FXYD6: variants seen among roughly 807,000 people sequenced by gnomAD.
FXYD6 encodes the protein FXYD domain containing ion transport regulator 6.
Under a neutral mutation model 16.7 loss-of-function variants are expected in FXYD6, and 7 were observed. The ratio of observed to expected loss-of-function variants is 0.42; its 90% confidence interval spans 0.24 to 0.79. The LOEUF is 0.79. FXYD6 is among the 30% of genes least tolerant of loss of function. The pLI, the probability that FXYD6 is intolerant of heterozygous loss-of-function variation, is 0.28. For missense variants in FXYD6, 111 were observed against 116.2 expected, an observed-to-expected ratio of 0.95 and a Z score of 0.21; for synonymous variants, 49 against 43.0, an observed-to-expected ratio of 1.14 and a Z score of -0.54.
chr11:117,851,424 A>G (rs2056608721), intron 1 of FXYD6, among the ~76,000 whole-genome samples: 1 of 152,238 alleles, frequency 6.6e-6, no homozygotes, highest in Admixed American at 6.5e-5. Context: ...ACAGCCTGCC[A>G]TGAACCACAT....
chr11:117,838,748 T>C (rs2056259839), intron 7 of FXYD6: 1 of 183,170 alleles, frequency 5.5e-6, no homozygotes, highest in Admixed American at 5.4e-5. Context: ...GAGAGCCCCA[T>C]CCAGAAGACG....
chr11:117,838,268 G>C lies in FXYD6; in HGVS notation c.*31C>G, dbSNP rs1364050609. 1 of 702,474 alleles carries C rather than the reference G, an allele frequency of 1.4e-6. No homozygotes were observed. The highest frequency in any genetic ancestry group is 2.0e-5 in the Admixed American group (1 of 49,996). 43.5% of individuals were successfully genotyped at this position (702,474 alleles called of 1,614,324 possible). A position where few individuals can be genotyped will look rare whatever the true frequency, so the allele number is the denominator to read the frequency against. On this transcript the variant is annotated 3_prime_UTR_variant, in exon 8 of 8. Transcript: ENST00000526014. ...CCAAAGGTTCAAGCAGCCGCCTCAG[G>C]TTCCAGAGGCTGAGGAGGAGGATAA...
intron 1 of FXYD6, among the ~76,000 whole-genome samples, chr11:117,863,177 G>T (rs1253241112): frequency 1.3e-5 from 2 of 152,160 alleles, no homozygotes; most frequent in African/African-American, 4.8e-5. Context: ...CACTAATTCT[G>T]CTGGTGCCAT....
chr11:117,873,276 C>T (rs995838649), intron 1 of FXYD6, among the ~76,000 whole-genome samples: 6 of 152,150 alleles, frequency 3.9e-5, no homozygotes, highest in African/African-American at 1.2e-4. Context: ...CTATTTGGTA[C>T]CTGGAGAGAA....
chr11:117,857,643 G>A (rs563635613), intron 1 of FXYD6, among the ~76,000 whole-genome samples: 8 of 152,156 alleles, frequency 5.3e-5, no homozygotes, highest in East Asian at 3.9e-4. Flanking sequence ...TCTTGACCTC[G>A]TGAGCCGCCC....
In FXYD6 at chr11:117,872,676, G is replaced by C. The variant is rs946063309; in HGVS notation, c.-6+3916C>G. On this transcript the variant is annotated intron_variant, in intron 1 of 7. Coordinates refer to ENST00000526014, the MANE Select transcript of FXYD6 (RefSeq NM_022003.4). This position sits in a 1 kb window ranked among gnomAD's most constrained non-coding sequence, Gnocchi z 4.9. ...GCCCCATTCCCATGGCCCCAGCCTG[G>C]TCCGTGGGGGCCCAGCCCCTTTCCC... Among the ~76,000 whole-genome samples the C allele has an allele frequency of 6.6e-6, 1 of 152,160 alleles. No homozygotes were observed. The highest frequency in any genetic ancestry group is 1.5e-5 in the Non-Finnish European group (1 of 68,020).
In FXYD6 at chr11:117,873,851, A is replaced by G. The variant is rs80228157; in HGVS notation, c.-6+2741T>C. ...CCACAGCTTCCAGCCTCGCCTTCCA[A>G]GAAAACATAGTGAAGCAGGCTCCTC... On this transcript the variant is annotated intron_variant, in intron 1 of 7. Transcript: ENST00000526014. 0.015 allele frequency among the ~76,000 whole-genome samples: 2,218 copies of G among 152,210 alleles called. 221 individuals are homozygous for G. The East Asian group carries it at 0.21, about 14-fold the overall frequency.
rs112511584 is a variant in FXYD6 at position 117,860,181 on chromosome 11, C to T, written c.-6+16411G>A. Reference sequence around the variant, plus strand: ...CTTCCTGCTATGAGTAGGTTTCCTTCGATCCCAGAGCCAGCCCCAAACTCC... The same window carrying T: ...CTTCCTGCTATGAGTAGGTTTCCTTTGATCCCAGAGCCAGCCCCAAACTCC... On this transcript the variant is annotated intron_variant, in intron 1 of 7. Coordinates refer to ENST00000526014, the MANE Select transcript of FXYD6 (RefSeq NM_022003.4). 1.9e-3 allele frequency among the ~76,000 whole-genome samples: 285 copies of T among 152,206 alleles called. 2 individuals carry two copies. The highest frequency in any genetic ancestry group is 6.5e-3 in the African/African-American group (271 of 41,514).
At position 117,838,024 on chromosome 11, in the gene FXYD6, T is replaced by A. The variant is rs1028375559; in HGVS notation, c.*275A>T. On this transcript the variant is annotated 3_prime_UTR_variant, in exon 8 of 8. Transcript: ENST00000526014. Reference sequence around the variant, plus strand: ...AAACAAGTAGCCACAAAGACCACAGTTAGCAAACACACACAGTCACACACA... The same window carrying A: ...AAACAAGTAGCCACAAAGACCACAGATAGCAAACACACACAGTCACACACA... 64 of 606,968 alleles carry A rather than the reference T, an allele frequency of 1.1e-4. No individual in the cohort carries two copies. The highest frequency in any genetic ancestry group is 1.8e-4 in the Non-Finnish European group (60 of 338,992). 37.6% of individuals were successfully genotyped at this position (606,968 alleles called of 1,614,324 possible).
At position 117,872,165 on chromosome 11, in the gene FXYD6, A is replaced by G. The variant is rs1262302536; in HGVS notation, c.-6+4427T>C. 6.6e-6 allele frequency among the ~76,000 whole-genome samples: 1 copy of G among 152,190 alleles called. No homozygotes were observed. The highest frequency in any genetic ancestry group is 1.5e-5 in the Non-Finnish European group (1 of 68,038). On this transcript the variant is annotated intron_variant, in intron 1 of 7. Transcript: ENST00000526014. This position sits in a 1 kb window ranked among gnomAD's most constrained non-coding sequence, Gnocchi z 4.9. The stretch of plus-strand genomic sequence containing the variant: ...GGGTGGACGTTCACAGGCCATCACC[A>G]TGGTCTGAGAGACTGCAGCTCTTCG...
In FXYD6 at chr11:117,841,812, C is replaced by A. The variant is rs777049693; in HGVS notation, c.151G>T (p.Val51Phe). 3 of 1,613,936 alleles carry A rather than the reference C, an allele frequency of 1.9e-6. No individual in the cohort carries two copies. The highest frequency in any genetic ancestry group is 2.2e-5 in the East Asian group (1 of 44,870). The change falls in exon 4 of 8, where the codon GTT becomes TTT. Residue 51 changes from valine (V) to phenylalanine (F), a missense_variant. Coordinates refer to ENST00000526014, the MANE Select transcript of FXYD6 (RefSeq NM_022003.4). ...TTACTTAGGATAAGGAGGATCCCAACCGAGAAGAGGACCACAGCGAACACC... is the reference window on the plus strand; with the variant it reads ...TTACTTAGGATAAGGAGGATCCCAAACGAGAAGAGGACCACAGCGAACACC... ...GLVFAVVLFS[V>F]GILLILSRRC...
At chr11:117,848,673 G>A (rs1308421221) in intron 1 of FXYD6, among the ~76,000 whole-genome samples, 1 of 152,066 alleles carries the variant, frequency 6.6e-6, no homozygotes, top group Non-Finnish European at 1.5e-5. Flanking sequence ...TTTCTTTGTG[G>A]GAAGATCTTA....
At chr11:117,873,934 G>A (rs779732168) in intron 1 of FXYD6, among the ~76,000 whole-genome samples, 3 of 152,096 alleles carry the variant, frequency 2.0e-5, no homozygotes, top group Non-Finnish European at 2.9e-5. Flanking sequence ...GTCACCAGCC[G>A]ACCAAAGGCT....
chr11:117,840,036 CA>C, intron 6 of FXYD6: 1 of 675,342 alleles, frequency 1.5e-6, no homozygotes. Context: ...CCCTCGGTTA[CA>C]AAATGGGGAC....
chr11:117,855,461 C>CT (rs1432212311), intron 1 of FXYD6, among the ~76,000 whole-genome samples: 1 of 152,168 alleles, frequency 6.6e-6, no homozygotes, highest in Non-Finnish European at 1.5e-5. Flanking sequence ...CACAGAATGC[C>CT]TTTGTCTCAC....
intron 1 of FXYD6, among the ~76,000 whole-genome samples, chr11:117,854,541 T>C (rs780791796): frequency 6.6e-5 from 10 of 152,142 alleles, no homozygotes; most frequent in Non-Finnish European, 1.3e-4. Context: ...GATAAGTAGG[T>C]GAACAAGATA....
rs2056304623 is a variant in FXYD6 at position 117,840,140 on chromosome 11, G to A, written c.259+179C>T. 14 of 748,538 alleles carry A rather than the reference G, an allele frequency of 1.9e-5. No individual in the cohort carries two copies. In the South Asian group the frequency reaches 2.3e-4, roughly 13 times the overall value. 46.4% of individuals were successfully genotyped at this position (748,538 alleles called of 1,614,324 possible). On this transcript the variant is annotated intron_variant, in intron 6 of 7. Transcript: ENST00000526014. ...GCTCTGTAAATAGCAGGTGACACTA[G>A]TAGTAGCCTGTTTGGTGGAGTGAGG...
At chr11:117,838,741 A>G (rs2056259563) in intron 7 of FXYD6, 1 of 185,350 alleles carries the variant, frequency 5.4e-6, no homozygotes, top group Non-Finnish European at 1.2e-5. Context: ...TGCCTTCGAG[A>G]GCCCCATCCA....
At chr11:117,853,239 A>G (rs2056647165) in intron 1 of FXYD6, among the ~76,000 whole-genome samples, 1 of 152,140 alleles carries the variant, frequency 6.6e-6, no homozygotes, top group Admixed American at 6.5e-5. Context: ...GTAGTCCTAA[A>G]ATGGGACACT....
Sources: gnomAD v4.1 joint callset for allele counts (sites outside exome capture counted in the v4.1 genomes callset) on GRCh38, gnomAD v4.1.1 for gene constraint, Gnocchi (gnomAD v3.1) non-coding constraint, MANE v1.5 for transcripts, NCBI Gene and HGNC (gene_info 2026-07-23, HGNC 2026-07-21) for gene names.